CEP250: variants seen among roughly 807,000 people sequenced by gnomAD.
CEP250 encodes centrosomal protein 250.
In CEP250, 242 loss-of-function variants were observed where a neutral mutation model predicts 315.7. The observed-to-expected ratio is 0.77, with a 90% CI of 0.69 to 0.85. CEP250 has a LOEUF of 0.85. Among genes scored for constraint, CEP250 ranks in the 40% least tolerant of loss-of-function variants. The pLI is 0.00. For missense variants in CEP250, 2,515 were observed against 2,886.4 expected, an observed-to-expected ratio of 0.87 and a Z score of 2.95; for synonymous variants, 1,088 against 1,175.0, an observed-to-expected ratio of 0.93 and a Z score of 1.51.
chr20:35,488,305 A>C (rs1448343159), intron 20 of CEP250, among the ~76,000 whole-genome samples: 1 of 152,190 alleles, frequency 6.6e-6, no homozygotes, highest in African/African-American at 2.4e-5. Context: ...TTGCAGTCAC[A>C]TACTCTGCCA....
At position 35,502,596 on chromosome 20, in the gene CEP250, C is replaced by T. The variant is rs147073538; in HGVS notation, c.4227C>T (p.Gly1409=). 6.8e-6 allele frequency: 11 copies of T among 1,614,204 alleles called. No homozygotes were observed. Among genetic ancestry groups the T allele is most frequent in the African/African-American group, 5.3e-5 (4 of 75,038 alleles). Reference sequence around the variant, plus strand: ...GAGCCCAGGCTCTGCAAGAGCAGGGCGAACTGAAGGTGGCCCAAGGGAAGG... The same window carrying T: ...GAGCCCAGGCTCTGCAAGAGCAGGGTGAACTGAAGGTGGCCCAAGGGAAGG... The part of the protein sequence containing the change: ...RERAQALQEQ[G]ELKVAQGKAL... The change falls in exon 30 of 35, where the codon GGC becomes GGT. Residue 1409 remains glycine (G), a synonymous_variant. Transcript: ENST00000397527.
chr20:35,479,194 G>C lies in CEP250; in HGVS notation c.2095-37G>C, dbSNP rs753570990. 6.3e-6 allele frequency: 10 copies of C among 1,596,808 alleles called. No homozygotes were observed. In the African/African-American group the frequency reaches 1.3e-4, roughly 21 times the overall value. ...GTGGTAGCGGCCCCAGGGGAATCCAGCCTCTGCTCCATCTCTCACCACATT... is the reference window on the plus strand; with the variant it reads ...GTGGTAGCGGCCCCAGGGGAATCCACCCTCTGCTCCATCTCTCACCACATT... On this transcript the variant is annotated intron_variant, in intron 17 of 34. Coordinates refer to ENST00000397527, the MANE Select transcript of CEP250 (RefSeq NM_007186.6).
At chr20:35,475,776 T>C in intron 15 of CEP250, 130 bp downstream of exon 15, 1 of 999,546 alleles carries the variant, frequency 1.0e-6, no homozygotes. Flanking sequence ...GCTTCTGGGT[T>C]CTCTATTCCA....
chr20:35,511,529 C>A lies in CEP250; in HGVS notation c.7232C>A (p.Thr2411Asn). Residue 2411 changes from threonine (T) to asparagine (N), a missense_variant, in exon 35 of 35, where the codon ACC (threonine) becomes AAC (asparagine). Physicochemically the swap from Thr to Asn is moderately conservative, Grantham distance 65 (BLOSUM62 0). Coordinates refer to ENST00000397527, the MANE Select transcript of CEP250 (RefSeq NM_007186.6). Reference sequence around the variant, plus strand: ...GAGGCCACTGTCCTGGAGGCAGAGACCCGCAGGCTGGATGAGTCCCTGACT... The same window carrying A: ...GAGGCCACTGTCCTGGAGGCAGAGAACCGCAGGCTGGATGAGTCCCTGACT... ...APEATVLEAE[T>N]RRLDESLTQS... 1.2e-6 allele frequency: 2 copies of A among 1,614,150 alleles called. No homozygotes were observed. The highest frequency in any genetic ancestry group is 1.7e-6 in the Non-Finnish European group (2 of 1,180,034).
chr20:35,467,179 G>GGGGGGGGGGCCCCCCCCCC, intron 8 of CEP250, 107 bp downstream of exon 8: 1 of 534,852 alleles, frequency 1.9e-6, no homozygotes, highest in Non-Finnish European at 3.5e-6. Flanking sequence ...GGTGGGTGGG[G>GGGGGGGGGGCCCCCCCCCC]GAGTTGGTAG....
chr20:35,513,380 T>C lies in CEP250; in HGVS notation c.*1754T>C, dbSNP rs1454191996. On this transcript the variant is annotated 3_prime_UTR_variant, in exon 35 of 35. Transcript: ENST00000397527. ...TTCAAGCAATTCTCCTGCCTCGGCC[T>C]CCTGTGTATCTGGGATTATAGACAC... The C allele has an allele frequency of 1.3e-5, 2 of 152,060 alleles. No homozygotes were observed. Among genetic ancestry groups the C allele is most frequent in the East Asian group, 3.9e-4 (2 of 5,188 alleles). The allele number at this position is 152,060 out of a possible 1,614,324, so 9.4% of individuals were successfully genotyped here.
chr20:35,474,077 G>T (rs373384549), intron 14 of CEP250, 25 bp downstream of exon 14: 21 of 1,488,802 alleles, frequency 1.4e-5, no homozygotes, highest in Non-Finnish European at 1.7e-5. Flanking sequence ...TCTCCTCCTC[G>T]CTGGGCCCTG....
In CEP250 at chr20:35,469,878, T is replaced by C; in HGVS notation, c.852-12T>C. ...GGCTGTTCTGGTGACAGTGCTATGC[T>C]CTTCTCTTTAGGGTGACCGAGCTCT... On this transcript the variant is annotated splice_polypyrimidine_tract_variant and intron_variant, in intron 9 of 34. Coordinates refer to ENST00000397527, the MANE Select transcript of CEP250 (RefSeq NM_007186.6). The C allele has an allele frequency of 1.9e-6, 3 of 1,593,212 alleles. No individual in the cohort carries two copies. The highest frequency in any genetic ancestry group is 1.7e-5 in the Admixed American group (1 of 59,580).
In CEP250 at chr20:35,504,959, T is replaced by C; in HGVS notation, c.6590T>C (p.Leu2197Pro). The C allele has an allele frequency of 6.2e-7, 1 of 1,613,758 alleles. No individual in the cohort carries two copies. Among genetic ancestry groups the C allele is most frequent in the South Asian group, 1.1e-5 (1 of 91,052 alleles). ...VSSLQEVAMFLQASVLERDSE... is the reference protein window; with the variant it reads ...VSSLQEVAMFPQASVLERDSE... ...AGTCTGCAGGAGGTAGCCATGTTCC[T>C]ACAAGCCTCTGTCCTGGAGCGGGAC... is the stretch of plus-strand genomic sequence containing the variant. The change falls in exon 30 of 35, where the codon CTA becomes CCA. Residue 2197 changes from leucine (L) to proline (P), a missense_variant. Physicochemically the swap from Leu to Pro is moderately conservative, Grantham distance 98. Transcript: ENST00000397527.
At chr20:35,481,575 TTC>T (rs995101439) in intron 20 of CEP250, among the ~76,000 whole-genome samples, 18 of 152,310 alleles carry the variant, frequency 1.2e-4, no homozygotes, top group African/African-American at 4.1e-4. Context: ...TTGATACCTT[TTC>T]TGTTCACCAT....
Position 35,475,270 on chromosome 20 carries a change from C to T in CEP250, c.1572-232C>T, listed in dbSNP as rs4911503. Reference sequence around the variant, plus strand: ...TTGCCAGTGCTCCTTCATGCAAATACGGGCATATATTCTTTCTTCCCCCAC... The same window carrying T: ...TTGCCAGTGCTCCTTCATGCAAATATGGGCATATATTCTTTCTTCCCCCAC... On this transcript the variant is annotated intron_variant, in intron 14 of 34. Transcript: ENST00000397527. Among the ~76,000 whole-genome samples the T allele has an allele frequency of 0.34, 52,186 of 152,098 alleles. 10,354 individuals are homozygous for T. Among genetic ancestry groups the T allele is most frequent in the African/African-American group, 0.54 (22,555 of 41,464 alleles).
At chr20:35,463,450 T>C (rs1235248830) in intron 4 of CEP250, 125 bp from the exon 5 acceptor site, 21 of 656,536 alleles carry the variant, frequency 3.2e-5, no homozygotes, top group Non-Finnish European at 4.8e-5. Context: ...GTTATGGCCT[T>C]ACCTTACTGT....
At position 35,502,628 on chromosome 20, in the gene CEP250, A is replaced by T. The variant is rs2064042982; in HGVS notation, c.4259A>T (p.Gln1420Leu). The T allele has an allele frequency of 6.2e-7, 1 of 1,614,282 alleles. No homozygotes were observed. The highest frequency in any genetic ancestry group is 8.5e-7 in the Non-Finnish European group (1 of 1,180,058). ...ELKVAQGKAL[Q>L]ENLALLTQTL... ...AAGGTGGCCCAAGGGAAGGCTCTGCAAGAGAATTTGGCCCTCCTGACCCAG... is the reference window on the plus strand; with the variant it reads ...AAGGTGGCCCAAGGGAAGGCTCTGCTAGAGAATTTGGCCCTCCTGACCCAG... Residue 1420 changes from glutamine (Q) to leucine (L), a missense_variant, in exon 30 of 35, where the codon CAA (glutamine) becomes CTA (leucine). Physicochemically the swap from Gln to Leu is moderately radical, Grantham distance 113 (BLOSUM62 -2). Coordinates refer to ENST00000397527, the MANE Select transcript of CEP250 (RefSeq NM_007186.6).
chr20:35,459,022 G>A (rs1793041619), intron 2 of CEP250, among the ~76,000 whole-genome samples: 1 of 113,388 alleles, frequency 8.8e-6, no homozygotes, highest in Non-Finnish European at 1.6e-5. Flanking sequence ...TTGTCGCCCA[G>A]GCTGGACAGT....
At position 35,516,992 on chromosome 20, in the gene CEP250, A is replaced by G. The variant is rs991205115; in HGVS notation, c.*5366A>G. 2.0e-5 allele frequency: 20 copies of G among 985,450 alleles called. No individual in the cohort carries two copies. Among genetic ancestry groups the G allele is most frequent in the East Asian group, 1.1e-4 (1 of 8,834 alleles). 61.0% of individuals were successfully genotyped at this position (985,450 alleles called of 1,614,324 possible). ...ATTCTTGTCCCACAGGGCAGAGCACATGGCAAGTGGCATGCTGACTCAGAC... is the reference window on the plus strand; with the variant it reads ...ATTCTTGTCCCACAGGGCAGAGCACGTGGCAAGTGGCATGCTGACTCAGAC... On this transcript the variant is annotated 3_prime_UTR_variant, in exon 35 of 35. Coordinates refer to ENST00000397527, the MANE Select transcript of CEP250 (RefSeq NM_007186.6).
chr20:35,496,654 T>C lies in CEP250; in HGVS notation c.3245T>C (p.Leu1082Pro). 1 of 1,614,114 alleles carries C rather than the reference T, an allele frequency of 6.2e-7. No homozygotes were observed. Among genetic ancestry groups the C allele is most frequent in the Non-Finnish European group, 8.5e-7 (1 of 1,180,008 alleles). The part of the protein sequence containing the change: ...QEADSIRQQE[L>P]SALRQDMQEA... ...GCTGACTCTATTCGACAACAAGAGC[T>C]GAGTGCCCTGCGCCAGGACATGCAG... is the stretch of plus-strand genomic sequence containing the variant. The change falls in exon 25 of 35, where the codon CTG (leucine) becomes CCG (proline). Residue 1082 changes from leucine to proline, a missense_variant. By Grantham distance (98) the Leu-to-Pro change is moderately conservative. Coordinates refer to ENST00000397527, the MANE Select transcript of CEP250 (RefSeq NM_007186.6).
intron 20 of CEP250, among the ~76,000 whole-genome samples, chr20:35,490,234 A>G (rs1455577380): frequency 6.6e-6 from 1 of 151,872 alleles, no homozygotes; most frequent in Admixed American, 6.6e-5. Flanking sequence ...AATCACTTGA[A>G]CCTGAAAGGT....
intron 10 of CEP250, among the ~76,000 whole-genome samples, chr20:35,470,561 C>T (rs566885292): frequency 2.6e-5 from 4 of 152,068 alleles, no homozygotes; most frequent in African/African-American, 4.8e-5. Flanking sequence ...ACCGGCCTGA[C>T]CAACATGCAG....
chr20:35,475,707 G>C, intron 15 of CEP250, 61 bp downstream of exon 15: 1 of 1,564,916 alleles, frequency 6.4e-7, no homozygotes, highest in Non-Finnish European at 8.7e-7. Context: ...TTCCCATGCA[G>C]CCTGCCTCAT....
Sources: allele counts gnomAD v4.1 joint callset (sites outside exome capture counted in the v4.1 genomes callset), GRCh38; gene constraint gnomAD v4.1.1; transcripts MANE v1.5; gene names NCBI Gene and HGNC (gene_info 2026-07-23, HGNC 2026-07-21).